SCRG1: variants seen among roughly 807,000 people sequenced by gnomAD.
SCRG1 encodes the protein stimulator of chondrogenesis 1.
A neutral mutation model predicts 7.7 loss-of-function variants in SCRG1; 3 were observed. The observed-to-expected ratio is 0.39, with a 90% CI of 0.18 to 1.01. SCRG1 has a LOEUF of 1.01. Among genes scored for constraint, SCRG1 ranks in the 50% least tolerant of loss-of-function variants. The pLI is 0.36. For missense variants in SCRG1, 110 were observed against 117.2 expected, an observed-to-expected ratio of 0.94 and a Z score of 0.28; for synonymous variants, 46 against 41.2, an observed-to-expected ratio of 1.12 and a Z score of -0.44.
intron 1 of SCRG1, 84 bp downstream of exon 1, chr4:173,398,984 A>G (rs1001925592): frequency 6.6e-6 from 1 of 152,244 alleles, no homozygotes; most frequent in African/African-American, 2.4e-5. Context: ...CAACACATAC[A>G]TACATTTCTG....
the SCRG1 span, among the ~76,000 whole-genome samples, chr4:173,456,256 C>T: frequency 1.3e-5 from 2 of 152,150 alleles, no homozygotes; most frequent in African/African-American, 4.8e-5. Context: ...CCTTGTGAAA[C>T]CCCTACAACT....
chr4:173,425,977 G>A, the SCRG1 span, among the ~76,000 whole-genome samples: 1 of 152,340 alleles, frequency 6.6e-6, no homozygotes, highest in East Asian at 1.9e-4. Context: ...GTGCCATCAT[G>A]CCCATGCCAT....
chr4:173,447,585 C>T, the SCRG1 span, among the ~76,000 whole-genome samples: 1 of 152,216 alleles, frequency 6.6e-6, no homozygotes, highest in South Asian at 2.1e-4. Flanking sequence ...GCTTAACAAA[C>T]TACCACATTT....
intron 2 of SCRG1, 50 bp downstream of exon 2, chr4:173,391,123 T>C (rs1739423934): frequency 6.3e-7 from 1 of 1,596,926 alleles, no homozygotes. Flanking sequence ...AGCTAAAAGT[T>C]GTTCTGCATA....
chr4:173,504,820 T>A, the SCRG1 span, among the ~76,000 whole-genome samples: 1 of 152,166 alleles, frequency 6.6e-6, no homozygotes, highest in Admixed American at 6.5e-5. The surrounding 1 kb of genome is among the most constrained non-coding windows in gnomAD (Gnocchi z 4.7). Context: ...CCCAGGGGGA[T>A]CATCCTCTTC....
chr4:173,431,100 C>T, the SCRG1 span, among the ~76,000 whole-genome samples: 17 of 152,104 alleles, frequency 1.1e-4, no homozygotes, highest in African/African-American at 3.4e-4. Flanking sequence ...CAAACTTGCA[C>T]GGGTACCACT....
the SCRG1 span, chr4:173,420,196 TG>T: frequency 3.0e-4 from 117 of 384,422 alleles, 4 homozygotes; most frequent in South Asian, 2.4e-3. Context: ...CCGGCCCTAG[TG>T]GGGGAAAAGG....
upstream of SCRG1, among the ~76,000 whole-genome samples, chr4:173,410,172 C>T (rs1043706914): frequency 6.6e-6 from 1 of 152,170 alleles, no homozygotes; most frequent in Non-Finnish European, 1.5e-5. Flanking sequence ...GTGACAGGTT[C>T]AACACCAGAG....
the SCRG1 span, among the ~76,000 whole-genome samples, chr4:173,479,435 G>GTTTTTTTTTTTTTTTTTTTT: frequency 1.6e-5 from 2 of 125,930 alleles, no homozygotes; most frequent in Admixed American, 8.2e-5. Flanking sequence ...TTGTTTGTTT[G>GTTTTTTTTTTTTTTTTTTTT]TTTTTTTGTT....
At chr4:173,476,338 G>C in the SCRG1 span, among the ~76,000 whole-genome samples, 1 of 65,682 alleles carries the variant, frequency 1.5e-5, no homozygotes, top group African/African-American at 4.2e-5. Flanking sequence ...CATTTCCTAG[G>C]TAAATCTCTG....
intron 1 of SCRG1, among the ~76,000 whole-genome samples, chr4:173,393,777 T>TTA (rs35910045): frequency 0.39 from 58,730 of 151,126 alleles, 13,094 homozygotes; most frequent in East Asian, 0.55. Context: ...AATATTTGTT[T>TTA]TATATATATA....
At chr4:173,478,014 C>T in the SCRG1 span, among the ~76,000 whole-genome samples, 1 of 152,098 alleles carries the variant, frequency 6.6e-6, no homozygotes, top group Non-Finnish European at 1.5e-5. Context: ...AAGCAATCCT[C>T]CCACCTTGGC....
At chr4:173,432,035 A>G in the SCRG1 span, among the ~76,000 whole-genome samples, 10 of 152,360 alleles carry the variant, frequency 6.6e-5, no homozygotes, top group East Asian at 1.9e-3. Flanking sequence ...TTCACGGACA[A>G]AATCCAACTT....
At chr4:173,441,079 T>C in the SCRG1 span, among the ~76,000 whole-genome samples, 1 of 152,176 alleles carries the variant, frequency 6.6e-6, no homozygotes, top group African/African-American at 2.4e-5. Flanking sequence ...TTCAAAGCAG[T>C]ATAGGGCATT....
At chr4:173,452,270 A>G in the SCRG1 span, among the ~76,000 whole-genome samples, 1 of 152,116 alleles carries the variant, frequency 6.6e-6, no homozygotes, top group Non-Finnish European at 1.5e-5. Context: ...CATAAGGAAA[A>G]TATATTTACT....
chr4:173,509,192 G>T, the SCRG1 span, among the ~76,000 whole-genome samples: 13 of 152,304 alleles, frequency 8.5e-5, no homozygotes, highest in African/African-American at 3.1e-4. The surrounding 1 kb of genome is among the most constrained non-coding windows in gnomAD (Gnocchi z 5.7). Context: ...CAAAGCTCCA[G>T]GGCCTACTTT....
the SCRG1 span, among the ~76,000 whole-genome samples, chr4:173,485,408 A>G: frequency 6.7e-6 from 1 of 150,010 alleles, no homozygotes; most frequent in East Asian, 2.0e-4. Flanking sequence ...AGTACCAAAC[A>G]TGACTGAGGC....
chr4:173,414,746 A>C, the SCRG1 span, among the ~76,000 whole-genome samples: 1 of 152,184 alleles, frequency 6.6e-6, no homozygotes, highest in Non-Finnish European at 1.5e-5. Flanking sequence ...ACTGTTGAAA[A>C]GAGTGTGTGC....
the SCRG1 span, among the ~76,000 whole-genome samples, chr4:173,441,817 T>C: frequency 6.6e-6 from 1 of 152,190 alleles, no homozygotes; most frequent in African/African-American, 2.4e-5. Context: ...AGTTCAAGGC[T>C]GCAGTGAGCT....
Sources: gnomAD v4.1 joint callset for allele counts (sites outside exome capture counted in the v4.1 genomes callset) on GRCh38, gnomAD v4.1.1 for gene constraint, Gnocchi (gnomAD v3.1) non-coding constraint, MANE v1.5 for transcripts, NCBI Gene and HGNC (gene_info 2026-07-23, HGNC 2026-07-21) for gene names.